Variants in UBA6 observed in about 807,000 individuals in gnomAD.
The protein encoded by UBA6 is ubiquitin like modifier activating enzyme 6, also known as ubiquitin-like modifier-activating enzyme 6.
A neutral mutation model predicts 148.3 loss-of-function variants in UBA6; 87 were observed. That is an observed-to-expected ratio of 0.59 (90% CI 0.49 to 0.70). The LOEUF (loss-of-function observed/expected upper bound fraction) is 0.70, where lower values mean the gene tolerates loss of function less well. Ranked by LOEUF, UBA6 falls within the 30% of genes least tolerant of loss-of-function variation. The pLI, the probability that UBA6 is intolerant of heterozygous loss-of-function variation, is 0.00. For synonymous variants in UBA6, 376 were observed against 401.0 expected (o/e 0.94, Z 0.75); for missense variants, 1,186 against 1,241.2 (o/e 0.96, Z 0.67).
chr4:67,666,149 G>A (rs929085609), intron 9 of UBA6, among the ~76,000 whole-genome samples: 8 of 151,990 alleles, frequency 5.3e-5, no homozygotes, highest in African/African-American at 1.9e-4. Context: ...CCTGTGAATA[G>A]CCACTGTACT....
At chr4:67,663,854 CCT>C in intron 11 of UBA6, 29 bp downstream of exon 11, 1 of 1,580,318 alleles carries the variant, frequency 6.3e-7, no homozygotes, top group Non-Finnish European at 8.7e-7. Flanking sequence ...GATTCTGCTG[CCT>C]CTCTCAAACC....
rs113575125 is a variant in UBA6 at position 67,647,681 on chromosome 4, T to C, written c.1249-890A>G. On this transcript the variant is annotated intron_variant, in intron 14 of 32. Coordinates refer to ENST00000322244, the MANE Select transcript of UBA6 (RefSeq NM_018227.6). ...TTAATCTCATTTTCATTTAAGTAAC[T>C]TGTGTGGCTAAATTTGAACATGAAC... Among the ~76,000 whole-genome samples the C allele has an allele frequency of 2.1e-3, 188 of 90,594 alleles. 1 individual carries two copies. The highest frequency in any genetic ancestry group is 1.7e-3 in the Non-Finnish European group (63 of 38,000). 59.4% of individuals were successfully genotyped at this position (90,594 alleles called of 152,430 possible).
chr4:67,637,640 C>A (rs1253617618), intron 19 of UBA6, among the ~76,000 whole-genome samples: 1 of 152,054 alleles, frequency 6.6e-6, no homozygotes, highest in African/African-American at 2.4e-5. Context: ...TGACCTTAGC[C>A]CCAACCCGGT....
intron 29 of UBA6, among the ~76,000 whole-genome samples, chr4:67,624,479 A>T (rs539727280): frequency 6.6e-6 from 1 of 152,260 alleles, no homozygotes; most frequent in African/African-American, 2.4e-5. Context: ...TATTTAAAAA[A>T]ATATTAATTC....
At chr4:67,620,925 T>A (rs187189860) in intron 32 of UBA6, among the ~76,000 whole-genome samples, 3 of 152,308 alleles carry the variant, frequency 2.0e-5, no homozygotes, top group Admixed American at 2.0e-4. Flanking sequence ...ATGCTATTAA[T>A]CATAATCCCA....
chr4:67,658,774 C>T (rs1363826708), intron 13 of UBA6, among the ~76,000 whole-genome samples: 1 of 152,058 alleles, frequency 6.6e-6, no homozygotes, highest in Non-Finnish European at 1.5e-5. Flanking sequence ...CAAAAGACTA[C>T]ACATACTATA....
chr4:67,625,396 T>TA (rs397878989), intron 28 of UBA6, among the ~76,000 whole-genome samples: 21,668 of 140,968 alleles, frequency 0.15, 1,724 homozygotes, highest in South Asian at 0.26. Context: ...TTTTTTTAAT[T>TA]AAAAAAAAAA....
intron 11 of UBA6, 110 bp downstream of exon 11, chr4:67,663,775 G>T (rs764225609): frequency 1.5e-5 from 13 of 875,070 alleles, no homozygotes; most frequent in Non-Finnish European, 2.3e-5. Flanking sequence ...ACATTATAAG[G>T]CCCGACAGCC....
intron 13 of UBA6, among the ~76,000 whole-genome samples, chr4:67,658,676 TAAAGTTA>T (rs1041247620): frequency 7.9e-5 from 12 of 152,080 alleles, no homozygotes; most frequent in Non-Finnish European, 1.6e-4. Context: ...CATGTAACCC[TAAAGTTA>T]AAAGTTAAAA....
In UBA6 at chr4:67,694,215, CAAAAAAAAAAAAA is replaced by C. The variant is rs769649769; in HGVS notation, c.134+2417_134+2429del. Among the ~76,000 whole-genome samples, 304 of 41,878 alleles carry C rather than the reference CAAAAAAAAAAAAA, an allele frequency of 7.3e-3. 4 individuals are homozygous for C. Among genetic ancestry groups the C allele is most frequent in the African/African-American group, 0.027 (275 of 10,298 alleles). 27.5% of individuals were successfully genotyped at this position (41,878 alleles called of 152,430 possible). On this transcript the variant is annotated intron_variant, in intron 2 of 32. Coordinates refer to ENST00000322244, the MANE Select transcript of UBA6 (RefSeq NM_018227.6). The stretch of plus-strand genomic sequence containing the variant: ...TGGATGACAGAGCAAGACTCCATCT[CAAAAAAAAAAAAA>C]AAAAAAAAAAAAAAAAGAAAAAATA...
At chr4:67,619,162 T>C (rs749032989) in intron 32 of UBA6, 30 bp from the exon 33 acceptor site, 29 of 1,544,522 alleles carry the variant, frequency 1.9e-5, no homozygotes, top group African/African-American at 4.1e-5. Flanking sequence ...ATGAATACTT[T>C]GGTAAATTCT....
chr4:67,675,681 A>C (rs1730262224), intron 6 of UBA6, among the ~76,000 whole-genome samples: 1 of 152,152 alleles, frequency 6.6e-6, no homozygotes, highest in African/African-American at 2.4e-5. Flanking sequence ...CAGTGAGCCC[A>C]GACTATGCCA....
chr4:67,621,905 A>AAGG (rs1409351660), intron 32 of UBA6, among the ~76,000 whole-genome samples: 1 of 152,184 alleles, frequency 6.6e-6, no homozygotes, highest in Non-Finnish European at 1.5e-5. Context: ...GAGAAGAGTA[A>AAGG]AGGGGACTAG....
intron 2 of UBA6, among the ~76,000 whole-genome samples, chr4:67,692,319 C>T (rs1473720190): frequency 9.9e-5 from 15 of 152,042 alleles, no homozygotes; most frequent in Admixed American, 9.8e-4. Context: ...GAAGAAAGTG[C>T]TCTATTTTGA....
rs1684643181 is a variant in UBA6 at position 67,617,511 on chromosome 4, A to T, written c.*1486T>A. On this transcript the variant is annotated 3_prime_UTR_variant, in exon 33 of 33. Coordinates refer to ENST00000322244, the MANE Select transcript of UBA6 (RefSeq NM_018227.6). ...TTGCCCACTTCCCCATGTACAGATT[A>T]TCCTTTAGTCATACAAATTCACTCT... is the stretch of plus-strand genomic sequence containing the variant. 6.6e-6 allele frequency: 1 copy of T among 152,134 alleles called. No individual in the cohort carries two copies. Among genetic ancestry groups the T allele is most frequent in the South Asian group, 2.1e-4 (1 of 4,832 alleles). 9.4% of individuals were successfully genotyped at this position (152,134 alleles called of 1,614,324 possible).
chr4:67,662,934 A>C, intron 12 of UBA6: 1 of 394,840 alleles, frequency 2.5e-6, no homozygotes, highest in South Asian at 8.8e-5. Context: ...GGAAAAATTC[A>C]CATTTAGTAT....
chr4:67,615,446 A>T lies in UBA6; in HGVS notation c.*3551T>A, dbSNP rs1323981078. On this transcript the variant is annotated 3_prime_UTR_variant, in exon 33 of 33. Coordinates refer to ENST00000322244, the MANE Select transcript of UBA6 (RefSeq NM_018227.6). ...TACCGAGTCTTGGATATTCCTTTAT[A>T]GCAACACAAAACCAACCAACATACT... 1 of 152,190 alleles carries T rather than the reference A, an allele frequency of 6.6e-6. No individual in the cohort carries two copies. Among genetic ancestry groups the T allele is most frequent in the Non-Finnish European group, 1.5e-5 (1 of 68,036 alleles). The allele number at this position is 152,190 out of a possible 1,614,324, so 9.4% of individuals were successfully genotyped here.
At chr4:67,670,648 A>AGAGT (rs1369948940) in intron 7 of UBA6, 56 bp from the exon 8 acceptor site, 1 of 1,326,306 alleles carries the variant, frequency 7.5e-7, no homozygotes, top group African/African-American at 1.5e-5. Context: ...AAAACACTCT[A>AGAGT]GTATCTTAGG....
chr4:67,632,498 TA>T (rs527238023), intron 23 of UBA6, among the ~76,000 whole-genome samples: 12 of 151,958 alleles, frequency 7.9e-5, no homozygotes, highest in East Asian at 5.8e-4. Context: ...AAAAAAAGTT[TA>T]AAAAAAATGC....
Sources: gnomAD v4.1 joint callset for allele counts (sites outside exome capture counted in the v4.1 genomes callset) on GRCh38, gnomAD v4.1.1 for gene constraint, MANE v1.5 for transcripts, NCBI Gene and HGNC (gene_info 2026-07-23, HGNC 2026-07-21) for gene names.